ITPR3: variants seen among roughly 807,000 people sequenced by gnomAD.
The protein encoded by ITPR3 is inositol 1,4,5-trisphosphate-gated calcium channel ITPR3.
Under a neutral mutation model 293.2 loss-of-function variants are expected in ITPR3, and 173 were observed. The ratio of observed to expected loss-of-function variants is 0.59; its 90% confidence interval spans 0.52 to 0.67. The LOEUF (loss-of-function observed/expected upper bound fraction) is 0.67. Among genes scored for constraint, ITPR3 ranks in the 30% least tolerant of loss-of-function variants. ITPR3 has a pLI of 0.00. For missense variants in ITPR3, 2,796 were observed against 3,592.1 expected (o/e 0.78, Z 5.66); for synonymous variants, 1,295 against 1,444.4 (o/e 0.90, Z 2.35).
At position 33,676,746 on chromosome 6, in the gene ITPR3, C is replaced by T. The variant is rs1309810078; in HGVS notation, c.3283-22C>T. ...TGGACCTGGAGCCCATCTCACCAGC[C>T]AGGCCCATCCTCCACCTTCAGGTTC... On this transcript the variant is annotated intron_variant, in intron 25 of 57. Coordinates refer to ENST00000605930, the MANE Select transcript of ITPR3 (RefSeq NM_002224.4). 11 of 1,613,168 alleles carry T rather than the reference C, an allele frequency of 6.8e-6. No individual in the cohort carries two copies. The East Asian group carries it at 2.0e-4, about 29-fold the overall frequency.
In ITPR3 at chr6:33,687,798, C is replaced by A. The variant is rs574070443; in HGVS notation, c.6264+234C>A. ...GGGTCTGGAAGCTTCAAGCAGGACC[C>A]GGGCTACACTTGGGCAGGACTGAGG... On this transcript the variant is annotated intron_variant, in intron 46 of 57. Coordinates refer to ENST00000605930, the MANE Select transcript of ITPR3 (RefSeq NM_002224.4). The surrounding 1 kb of genome is among the most constrained non-coding windows in gnomAD (Gnocchi z 5.3). 6.6e-6 allele frequency among the ~76,000 whole-genome samples: 1 copy of A among 152,206 alleles called. No individual in the cohort carries two copies. The highest frequency in any genetic ancestry group is 2.4e-5 in the African/African-American group (1 of 41,528).
At chr6:33,629,479 TTTC>T (rs1166391862) in intron 1 of ITPR3, among the ~76,000 whole-genome samples, 2 of 150,090 alleles carry the variant, frequency 1.3e-5, no homozygotes, top group Non-Finnish European at 3.0e-5. Context: ...CGACCATTGG[TTTC>T]TTTTTTTTTT....
rs7771269 is a variant in ITPR3 at position 33,654,088 on chromosome 6, C to T, written c.161-1678C>T. Among the ~76,000 whole-genome samples the T allele has an allele frequency of 0.044, 6,765 of 152,036 alleles. 174 individuals are homozygous for T. Among genetic ancestry groups the T allele is most frequent in the African/African-American group, 0.056 (2,314 of 41,478 alleles). On this transcript the variant is annotated intron_variant, in intron 2 of 57. Coordinates refer to ENST00000605930, the MANE Select transcript of ITPR3 (RefSeq NM_002224.4). This position sits in a 1 kb window ranked among gnomAD's most constrained non-coding sequence, Gnocchi z 4.1. ...TTTGAGACCAGCTTGGGCAATATGG[C>T]GAAACCCCGTCTCTACTAAAAATAC...
Position 33,678,560 on chromosome 6 carries a change from G to T in ITPR3, c.3771+17G>T. The T allele has an allele frequency of 6.3e-7, 1 of 1,592,922 alleles. No homozygotes were observed. Among genetic ancestry groups the T allele is most frequent in the Non-Finnish European group, 8.6e-7 (1 of 1,168,974 alleles). ...ACGCCAGGGGTGAGGGTGCAGGGCTGGGAGCACCTGGACGAGGCGGGGGAT... is the reference window on the plus strand; with the variant it reads ...ACGCCAGGGGTGAGGGTGCAGGGCTTGGAGCACCTGGACGAGGCGGGGGAT... On this transcript the variant is annotated intron_variant, in intron 29 of 57. Transcript: ENST00000605930.
chr6:33,631,314 G>T (rs1763673921), intron 1 of ITPR3, among the ~76,000 whole-genome samples: 1 of 152,224 alleles, frequency 6.6e-6, no homozygotes, highest in Non-Finnish European at 1.5e-5. Flanking sequence ...GCCCTGAACG[G>T]CTGGGGTCAC....
intron 56 of ITPR3, 68 bp downstream of exon 56, chr6:33,693,773 A>T: frequency 6.4e-7 from 1 of 1,559,154 alleles, no homozygotes; most frequent in Middle Eastern, 2.1e-4. Context: ...ACTGTGCACC[A>T]GAGGCCTCAT....
At chr6:33,623,221 T>A (rs116351191) in intron 1 of ITPR3, among the ~76,000 whole-genome samples, 4,186 of 151,906 alleles carry the variant, frequency 0.028, 76 homozygotes, top group Non-Finnish European at 0.032. Context: ...AGTCCCCTCC[T>A]AGTGTCTGAA....
intron 1 of ITPR3, among the ~76,000 whole-genome samples, chr6:33,634,464 A>G (rs1454696469): frequency 6.6e-6 from 1 of 152,086 alleles, no homozygotes; most frequent in Non-Finnish European, 1.5e-5. Flanking sequence ...TGCTTTCCGT[A>G]GCCCTGCCCA....
At position 33,652,781 on chromosome 6, in the gene ITPR3, A is replaced by G. The variant is rs1175575498; in HGVS notation, c.161-2985A>G. Among the ~76,000 whole-genome samples the G allele has an allele frequency of 2.0e-5, 3 of 152,120 alleles. No homozygotes were observed. In the East Asian group the frequency reaches 5.8e-4, roughly 29 times the overall value. On this transcript the variant is annotated intron_variant, in intron 2 of 57. Coordinates refer to ENST00000605930, the MANE Select transcript of ITPR3 (RefSeq NM_002224.4). ...GCCTGGCCTATATATCCATATTTAT[A>G]TAATGCAAAATGGTGGCGGTCTAGA... is the stretch of plus-strand genomic sequence containing the variant.
intron 1 of ITPR3, among the ~76,000 whole-genome samples, chr6:33,637,958 G>A (rs1340966008): frequency 3.3e-5 from 5 of 151,478 alleles, no homozygotes; most frequent in Non-Finnish European, 5.9e-5. Context: ...CCCCTTTTGG[G>A]TTTTTACAGA....
chr6:33,630,180 C>T (rs1488020101), intron 1 of ITPR3, among the ~76,000 whole-genome samples: 2 of 152,168 alleles, frequency 1.3e-5, no homozygotes, highest in African/African-American at 4.8e-5. Context: ...AACAGCGCCC[C>T]GCCCTCATCT....
In ITPR3 at chr6:33,688,639, G is replaced by A. The variant is rs2296737; in HGVS notation, c.6569-17G>A. 287,563 of 1,613,188 alleles carry A rather than the reference G, an allele frequency of 0.18. 27,337 individuals carry two copies. The highest frequency in any genetic ancestry group is 0.21 in the Middle Eastern group (1,250 of 6,058). On this transcript the variant is annotated splice_polypyrimidine_tract_variant and intron_variant, in intron 48 of 57. Transcript: ENST00000605930. ...CACCAGGGCCCTCCAGCAGCTCACC[G>A]TTGCCCTCCTCTTCAGGCATGCCGC...
intron 7 of ITPR3, among the ~76,000 whole-genome samples, chr6:33,661,080 A>C (rs1200214587): frequency 6.6e-6 from 1 of 152,190 alleles, no homozygotes; most frequent in African/African-American, 2.4e-5. Context: ...TTCTGGTGCT[A>C]AGTCCACTGC....
rs3831080 is a variant in ITPR3, at chr6:33,657,815, CTGTGTG to C, written c.283-103_283-98del. On this transcript the variant is annotated intron_variant, in intron 3 of 57. Transcript: ENST00000605930. ...CAAGGGGTCCTGGAGTCCAGGGTGA[CTGTGTG>C]TGTGTGTGTGTGTTTGTGTGCATGT... 1.3e-4 allele frequency: 89 copies of C among 708,796 alleles called. No individual in the cohort carries two copies. In the African/African-American group the frequency reaches 1.6e-3, roughly 13 times the overall value. 43.9% of individuals were successfully genotyped at this position (708,796 alleles called of 1,614,324 possible). A position where few individuals can be genotyped will look rare whatever the true frequency, so the allele number is the denominator to read the frequency against.
At chr6:33,636,949 C>T (rs1173106821) in intron 1 of ITPR3, among the ~76,000 whole-genome samples, 3 of 152,186 alleles carry the variant, frequency 2.0e-5, no homozygotes, top group Non-Finnish European at 4.4e-5. Context: ...CTGCACAGCG[C>T]CTGCTCTGAC....
chr6:33,660,843 C>T (rs1296215446), intron 7 of ITPR3, among the ~76,000 whole-genome samples: 1 of 152,114 alleles, frequency 6.6e-6, no homozygotes, highest in East Asian at 1.9e-4. Flanking sequence ...GCAGGAGAAT[C>T]GCTTGAGCCT....
intron 56 of ITPR3, among the ~76,000 whole-genome samples, chr6:33,694,130 C>G (rs1765471804): frequency 6.6e-6 from 1 of 152,148 alleles, no homozygotes; most frequent in African/African-American, 2.4e-5. Flanking sequence ...GGAGTGTTTT[C>G]TAGCTCGGTG....
chr6:33,624,287 A>G lies in ITPR3; in HGVS notation c.89+2596A>G, dbSNP rs1445061917. The stretch of plus-strand genomic sequence containing the variant: ...CAGGATTAACACCATTCATATATTT[A>G]GCAGGTCTACAGGCACTGTACTGGG... On this transcript the variant is annotated intron_variant, in intron 1 of 57. Transcript: ENST00000605930. This position sits in a 1 kb window ranked among gnomAD's most constrained non-coding sequence, Gnocchi z 4.7. Among the ~76,000 whole-genome samples the G allele has an allele frequency of 1.3e-5, 2 of 152,192 alleles. No homozygotes were observed. Among genetic ancestry groups the G allele is most frequent in the African/African-American group, 4.8e-5 (2 of 41,430 alleles).
intron 22 of ITPR3, 92 bp from the exon 23 acceptor site, chr6:33,673,499 C>T: frequency 6.6e-7 from 1 of 1,525,988 alleles, no homozygotes; most frequent in Non-Finnish European, 8.9e-7. Context: ...TTGGGGGCTC[C>T]CTGCCCCCTG....
Sources: gnomAD v4.1 joint callset for allele counts (sites outside exome capture counted in the v4.1 genomes callset) on GRCh38, gnomAD v4.1.1 for gene constraint, Gnocchi (gnomAD v3.1) non-coding constraint, MANE v1.5 for transcripts, NCBI Gene and HGNC (gene_info 2026-07-23, HGNC 2026-07-21) for gene names.